TRIM2: variants seen among roughly 807,000 people sequenced by gnomAD.
The protein encoded by TRIM2 is tripartite motif-containing protein 2.
A neutral mutation model predicts 75.2 loss-of-function variants in TRIM2; 20 were observed. That is an observed-to-expected ratio of 0.27 (90% CI 0.19 to 0.39). The LOEUF (loss-of-function observed/expected upper bound fraction) is 0.39. Among genes scored for constraint, TRIM2 ranks in the 10% least tolerant of loss-of-function variants. TRIM2 has a pLI of 1.00. For synonymous variants in TRIM2, 373 were observed against 388.3 expected (o/e 0.96, Z 0.46); for missense variants, 660 against 990.8 (o/e 0.67, Z 4.48).
chr4:153,222,038 G>GAA (rs1553966633), intron 1 of TRIM2, among the ~76,000 whole-genome samples: 1 of 136,822 alleles, frequency 7.3e-6, no homozygotes, highest in Non-Finnish European at 1.6e-5. Context: ...AGGAAGGAAA[G>GAA]AGCGAGGAAG....
chr4:153,338,759 A>G lies in TRIM2; in HGVS notation c.*3793A>G, dbSNP rs1772748011. 1 of 985,736 alleles carries G rather than the reference A, an allele frequency of 1.0e-6. No individual in the cohort carries two copies. Among genetic ancestry groups the G allele is most frequent in the Non-Finnish European group, 1.2e-6 (1 of 829,922 alleles). 61.1% of individuals were successfully genotyped at this position (985,736 alleles called of 1,614,324 possible). The stretch of plus-strand genomic sequence containing the variant: ...GCTATTAATATTCTAGAATAGATTA[A>G]TAAATTGGCTATGTTGTTCCAATGA... On this transcript the variant is annotated 3_prime_UTR_variant, in exon 12 of 12. Transcript: ENST00000338700.
intron 1 of TRIM2, among the ~76,000 whole-genome samples, chr4:153,190,412 T>C (rs959090358): frequency 6.6e-6 from 1 of 152,254 alleles, no homozygotes; most frequent in African/African-American, 2.4e-5. Context: ...CTGTGCTAAG[T>C]GCATTTTATG....
chr4:153,273,270 C>CTTTTTTTTTTTTTTTT (rs72414117), intron 2 of TRIM2, among the ~76,000 whole-genome samples: 929 of 57,368 alleles, frequency 0.016, 157 homozygotes, highest in Non-Finnish European at 0.023. Context: ...TACAGTCACT[C>CTTTTTTTTTTTTTTTT]TTTTTTTTTT....
intron 6 of TRIM2, among the ~76,000 whole-genome samples, chr4:153,305,491 C>T (rs1764778593): frequency 6.6e-6 from 1 of 152,098 alleles, no homozygotes; most frequent in South Asian, 2.1e-4. Flanking sequence ...TAACAGAATA[C>T]CTGAGACTGG....
At chr4:153,191,507 A>G (rs1248581034) in intron 1 of TRIM2, among the ~76,000 whole-genome samples, 1 of 152,268 alleles carries the variant, frequency 6.6e-6, no homozygotes, top group Admixed American at 6.5e-5. Flanking sequence ...TAAAATATTT[A>G]AGTGAGAAAT....
At chr4:153,253,201 A>G (rs1383936740) in intron 1 of TRIM2, among the ~76,000 whole-genome samples, 1 of 152,194 alleles carries the variant, frequency 6.6e-6, no homozygotes, top group Non-Finnish European at 1.5e-5. Flanking sequence ...GGCAGGAGGC[A>G]GGAGAGGCTG....
intron 1 of TRIM2, among the ~76,000 whole-genome samples, chr4:153,189,049 G>A (rs1377539058): frequency 6.6e-6 from 1 of 152,010 alleles, no homozygotes; most frequent in Non-Finnish European, 1.5e-5. Context: ...ATAGAGATGG[G>A]GCTGTTGTCC....
intron 1 of TRIM2, among the ~76,000 whole-genome samples, chr4:153,168,150 C>T (rs913986449): frequency 2.1e-4 from 32 of 151,418 alleles, no homozygotes; most frequent in Non-Finnish European, 2.8e-4. Flanking sequence ...TGTTTATATT[C>T]ATTTACCTAC....
At chr4:153,213,997 GA>G (rs67392718) in intron 1 of TRIM2, among the ~76,000 whole-genome samples, 54,708 of 146,846 alleles carry the variant, frequency 0.37, 10,516 homozygotes, top group East Asian at 0.63. Context: ...GAGGAAAAAA[GA>G]AAAAAAAAAA....
chr4:153,179,752 G>T (rs556463949), intron 1 of TRIM2, among the ~76,000 whole-genome samples: 1 of 152,124 alleles, frequency 6.6e-6, no homozygotes, highest in Non-Finnish European at 1.5e-5. Context: ...TTTTAAAGGG[G>T]TGTTTAGAAA....
intron 1 of TRIM2, among the ~76,000 whole-genome samples, chr4:153,245,298 T>C (rs924003642): frequency 1.3e-5 from 2 of 152,290 alleles, no homozygotes; most frequent in African/African-American, 4.8e-5. Flanking sequence ...AGGTTTTTGC[T>C]ATCCTTGGGT....
At chr4:153,278,863 C>T (rs1245428487) in intron 3 of TRIM2, among the ~76,000 whole-genome samples, 2 of 151,456 alleles carry the variant, frequency 1.3e-5, no homozygotes, top group Non-Finnish European at 2.9e-5. Flanking sequence ...GTGAGAATGT[C>T]ATGAAATTCA....
intron 1 of TRIM2, among the ~76,000 whole-genome samples, chr4:153,161,984 C>T (rs576204583): frequency 6.6e-5 from 10 of 152,304 alleles, no homozygotes; most frequent in South Asian, 2.1e-4. Context: ...AAATGAAATT[C>T]GTGTGTACAT....
chr4:153,295,263 T>G lies in TRIM2; in HGVS notation c.787-50T>G, dbSNP rs1473332521. Reference sequence around the variant, plus strand: ...GCCGGTGGAGGGCACTGCCCCGGGCTAGGCCCCGCCCTGTGGGACGAGCTC... The same window carrying G: ...GCCGGTGGAGGGCACTGCCCCGGGCGAGGCCCCGCCCTGTGGGACGAGCTC... On this transcript the variant is annotated intron_variant, in intron 5 of 11. Coordinates refer to ENST00000338700, the MANE Select transcript of TRIM2 (RefSeq NM_015271.5). The surrounding 1 kb of genome is among the most constrained non-coding windows in gnomAD (Gnocchi z 7.2). 6.7e-7 allele frequency: 1 copy of G among 1,500,610 alleles called. No homozygotes were observed. The highest frequency in any genetic ancestry group is 8.9e-7 in the Non-Finnish European group (1 of 1,124,876). 93.0% of individuals were successfully genotyped at this position (1,500,610 alleles called of 1,614,324 possible).
rs528087366 is a variant in TRIM2, at chr4:153,199,118, G to C, written c.-49+45848G>C. On this transcript the variant is annotated intron_variant, in intron 1 of 11. Transcript: ENST00000437508. Reference sequence around the variant, plus strand: ...TAATATGATGATCAGGAAAGAAATAGGCCCCGGGGATATGTGAAACAGCTT... The same window carrying C: ...TAATATGATGATCAGGAAAGAAATACGCCCCGGGGATATGTGAAACAGCTT... Among the ~76,000 whole-genome samples the C allele has an allele frequency of 5.9e-5, 9 of 152,276 alleles. No homozygotes were observed. In the South Asian group the frequency reaches 1.4e-3, roughly 25 times the overall value.
At chr4:153,222,391 A>G (rs1740840552) in intron 1 of TRIM2, 1 of 151,874 alleles carries the variant, frequency 6.6e-6, no homozygotes, top group African/African-American at 2.4e-5. Flanking sequence ...TTTTCAGGAG[A>G]CCTGAAAACC....
intron 1 of TRIM2, among the ~76,000 whole-genome samples, chr4:153,190,922 A>C (rs1417996601): frequency 6.6e-6 from 1 of 151,972 alleles, no homozygotes; most frequent in African/African-American, 2.4e-5. Context: ...ATTTTAGTAG[A>C]GACAGGGTTT....
At position 153,241,335 on chromosome 4, in the gene TRIM2, C is replaced by T. The variant is rs147199976; in HGVS notation, c.31-29000C>T. ...GGCTGGACACCCAGTCCTTCCTCATCGCACATTGTTGGAAGCCATGTGCCA... is the reference window on the plus strand; with the variant it reads ...GGCTGGACACCCAGTCCTTCCTCATTGCACATTGTTGGAAGCCATGTGCCA... On this transcript the variant is annotated intron_variant, in intron 1 of 11. Coordinates refer to ENST00000338700, the MANE Select transcript of TRIM2 (RefSeq NM_015271.5). 2.7e-3 allele frequency among the ~76,000 whole-genome samples: 417 copies of T among 152,316 alleles called. 5 individuals carry two copies. The Middle Eastern group carries it at 0.041, about 15-fold the overall frequency.
intron 3 of TRIM2, among the ~76,000 whole-genome samples, chr4:153,280,737 T>A (rs928148668): frequency 1.3e-5 from 2 of 150,734 alleles, no homozygotes; most frequent in Non-Finnish European, 2.9e-5. Flanking sequence ...CAGGCTGGAG[T>A]GCAGCGGCAC....
Sources: allele counts gnomAD v4.1 joint callset (sites outside exome capture counted in the v4.1 genomes callset), GRCh38; gene constraint gnomAD v4.1.1; non-coding constraint Gnocchi (gnomAD v3.1); transcripts MANE v1.5; gene names NCBI Gene and HGNC (gene_info 2026-07-23, HGNC 2026-07-21).